RMND5A: variants seen among roughly 807,000 people sequenced by gnomAD.
RMND5A encodes the protein E3 ubiquitin-protein transferase RMND5A.
RMND5A carries 17 observed loss-of-function variants against 49.7 expected under a neutral mutation model. The ratio of observed to expected loss-of-function variants is 0.34; its 90% confidence interval spans 0.23 to 0.51. RMND5A has a LOEUF of 0.51. Among genes scored for constraint, RMND5A ranks in the 20% least tolerant of loss-of-function variants. RMND5A has a pLI of 0.96. For synonymous variants in RMND5A, 156 were observed against 167.7 expected (o/e 0.93, Z 0.54); for missense variants, 255 against 471.3 (o/e 0.54, Z 4.25).
At chr2:86,760,753 G>A (rs1181599453) in intron 4 of RMND5A, among the ~76,000 whole-genome samples, 1 of 75,920 alleles carries the variant, frequency 1.3e-5, no homozygotes, top group African/African-American at 5.4e-5. Context: ...AATGTGATTA[G>A]AAAGATTTGA....
rs1478806575 is a variant in RMND5A at position 86,777,990 on chromosome 2, G to T, written c.*4579G>T. ...TGTGTATTCCTATGTAAAACACATG[G>T]CTTTTCCTGTGTATATTTTTAAAAA... is the stretch of plus-strand genomic sequence containing the variant. On this transcript the variant is annotated 3_prime_UTR_variant, in exon 9 of 9. Coordinates refer to ENST00000283632, the MANE Select transcript of RMND5A (RefSeq NM_022780.4). 1 of 152,134 alleles carries T rather than the reference G, an allele frequency of 6.6e-6. No individual in the cohort carries two copies. Among genetic ancestry groups the T allele is most frequent in the African/African-American group, 2.4e-5 (1 of 41,426 alleles). The allele number at this position is 152,134 out of a possible 1,614,324, so 9.4% of individuals were successfully genotyped here. A position where few individuals can be genotyped will look rare whatever the true frequency, so the allele number is the denominator to read the frequency against.
chr2:86,765,819 TG>T (rs1466952879), intron 5 of RMND5A, 39 bp from the exon 6 acceptor site: 3 of 1,590,564 alleles, frequency 1.9e-6, no homozygotes, highest in Non-Finnish European at 1.7e-6. Context: ...AGCTTATTAC[TG>T]CAAGCAAACT....
At chr2:86,767,360 C>T (rs552159294) in intron 6 of RMND5A, among the ~76,000 whole-genome samples, 8 of 152,004 alleles carry the variant, frequency 5.3e-5, no homozygotes, top group African/African-American at 1.9e-4. Context: ...ACCGCACCAG[C>T]CTTGGAATAG....
intron 4 of RMND5A, among the ~76,000 whole-genome samples, chr2:86,759,708 A>G (rs1197026630): frequency 2.0e-5 from 3 of 148,996 alleles, no homozygotes; most frequent in East Asian, 4.4e-4. Flanking sequence ...GCTGAGGCAC[A>G]AGAATCACTT....
chr2:86,765,759 A>G (rs1233803772), intron 5 of RMND5A, 100 bp from the exon 6 acceptor site: 3 of 987,884 alleles, frequency 3.0e-6, no homozygotes, highest in Non-Finnish European at 4.4e-6. Flanking sequence ...ACCTGTTAAT[A>G]CATTATTTTA....
At chr2:86,771,449 A>C in intron 7 of RMND5A, 109 bp from the exon 8 acceptor site, 1 of 885,950 alleles carries the variant, frequency 1.1e-6, no homozygotes, top group Non-Finnish European at 1.7e-6. Flanking sequence ...AGTTACATTC[A>C]GGTGAATAGA....
rs141041211 is a variant in RMND5A, at chr2:86,768,585, G to A, written c.855-1438G>A. ...AGTGGCAACAAGGTGTCTCCCATCC[G>A]TGAGGAGCTCTGGAGCTGCTGTGGG... On this transcript the variant is annotated intron_variant, in intron 6 of 8. Coordinates refer to ENST00000283632, the MANE Select transcript of RMND5A (RefSeq NM_022780.4). Among the ~76,000 whole-genome samples the A allele has an allele frequency of 1.8e-4, 27 of 152,354 alleles. 1 individual carries two copies. The highest frequency in any genetic ancestry group is 6.0e-4 in the African/African-American group (25 of 41,584).
intron 7 of RMND5A, 58 bp downstream of exon 7, chr2:86,770,183 C>A: frequency 8.6e-7 from 1 of 1,156,474 alleles, no homozygotes. Context: ...AATATGGCAT[C>A]TTTAAATGTT....
chr2:86,775,322 TTC>T lies in RMND5A; in HGVS notation c.*1913_*1914del, dbSNP rs1410776583. 4 of 79,862 alleles carry T rather than the reference TTC, an allele frequency of 5.0e-5. No homozygotes were observed. The highest frequency in any genetic ancestry group is 1.9e-4 in the African/African-American group (4 of 20,888). 4.9% of individuals were successfully genotyped at this position (79,862 alleles called of 1,614,324 possible). A position where few individuals can be genotyped will look rare whatever the true frequency, so the allele number is the denominator to read the frequency against. On this transcript the variant is annotated 3_prime_UTR_variant, in exon 9 of 9. Transcript: ENST00000283632. ...AAAACCTAGAGTGTTGTATTTTTCT[TTC>T]TTTCTTTTTTTTTTTTTTTTTTTTT...
chr2:86,759,697 G>T (rs1681813754), intron 4 of RMND5A, among the ~76,000 whole-genome samples: 2 of 149,222 alleles, frequency 1.3e-5, no homozygotes, highest in Non-Finnish European at 3.0e-5. Context: ...CTACTCGGGA[G>T]GCTGAGGCAC....
At chr2:86,765,739 A>G (rs554290300) in intron 5 of RMND5A, 120 bp from the exon 6 acceptor site, 1 of 821,198 alleles carries the variant, frequency 1.2e-6, no homozygotes, top group South Asian at 2.0e-5. Flanking sequence ...AAGGACCAGA[A>G]TTTTAAAAGA....
At chr2:86,760,860 G>A (rs6711696) in intron 4 of RMND5A, among the ~76,000 whole-genome samples, 1 of 151,578 alleles carries the variant, frequency 6.6e-6, no homozygotes, top group Non-Finnish European at 1.5e-5. Flanking sequence ...CTATAAAGAC[G>A]AGGGTAAAGT....
At chr2:86,762,972 G>A (rs887893414) in intron 4 of RMND5A, among the ~76,000 whole-genome samples, 28 of 151,588 alleles carry the variant, frequency 1.8e-4, no homozygotes, top group Admixed American at 5.9e-4. Flanking sequence ...CCTGGGAGGC[G>A]GAGGTTGCAG....
chr2:86,761,431 T>A (rs894146060), intron 4 of RMND5A, among the ~76,000 whole-genome samples: 2 of 152,126 alleles, frequency 1.3e-5, no homozygotes, highest in African/African-American at 4.8e-5. Flanking sequence ...CAAATGTGGG[T>A]TTCTGGGTAC....
intron 2 of RMND5A, among the ~76,000 whole-genome samples, chr2:86,748,027 C>T (rs913837636): frequency 1.4e-4 from 21 of 152,078 alleles, no homozygotes; most frequent in African/African-American, 4.8e-4. Flanking sequence ...CAAAGCTTTT[C>T]TTTGCTTAAA....
At chr2:86,762,679 TCA>T in intron 4 of RMND5A, among the ~76,000 whole-genome samples, 2 of 107,810 alleles carry the variant, frequency 1.9e-5, no homozygotes, top group Non-Finnish European at 3.7e-5. Context: ...TATATATATA[TCA>T]TATATATATC....
Position 86,720,793 on chromosome 2 carries a change from G to C in RMND5A, c.126G>C (p.Glu42Asp), listed in dbSNP as rs1192655086. 8.8e-6 allele frequency: 14 copies of C among 1,593,412 alleles called. No homozygotes were observed. The highest frequency in any genetic ancestry group is 1.1e-5 in the Non-Finnish European group (13 of 1,171,008). ...ACTACACCGGCGGCCTCAAGCACGA[G>C]ATCCTGCAGAGCCACGGTAGGGCGG... ...LIDYTGGLKH[E>D]ILQSHGQDAE... The change falls in exon 1 of 9, where the codon GAG (glutamate) becomes GAC (aspartate). Residue 42 changes from glutamate (E) to aspartate (D), a missense_variant. Physicochemically the swap from Glu to Asp is conservative, Grantham distance 45. This residue lies in a region of RMND5A where 42 missense variants were observed against 59.9 expected (regional missense o/e 0.70). Transcript: ENST00000283632.
chr2:86,767,018 T>C (rs1672609672), intron 6 of RMND5A, among the ~76,000 whole-genome samples: 1 of 152,184 alleles, frequency 6.6e-6, no homozygotes, highest in Non-Finnish European at 1.5e-5. Context: ...AGTTATGAGC[T>C]AGCTGGTCAC....
intron 8 of RMND5A, among the ~76,000 whole-genome samples, chr2:86,773,125 A>G (rs1319703672): frequency 6.6e-6 from 1 of 152,252 alleles, no homozygotes; most frequent in Non-Finnish European, 1.5e-5. Context: ...TTAAGAAACA[A>G]TTTAGGATCT....
Sources: allele counts gnomAD v4.1 joint callset (sites outside exome capture counted in the v4.1 genomes callset), GRCh38; gene constraint gnomAD v4.1.1; regional missense constraint gnomAD v4.1.1; transcripts MANE v1.5; gene names NCBI Gene and HGNC (gene_info 2026-07-23, HGNC 2026-07-21).